Variants in TRIM9 observed in about 807,000 individuals in gnomAD.
TRIM9 encodes the protein tripartite motif containing 9.
Under a neutral mutation model 78.3 loss-of-function variants are expected in TRIM9, and 26 were observed. The ratio of observed to expected loss-of-function variants is 0.33; its 90% CI spans 0.24 to 0.46. TRIM9 has a LOEUF of 0.46. Ranked by LOEUF, TRIM9 falls within the 20% of genes least tolerant of loss-of-function variation. The probability of loss-of-function intolerance (pLI) is 1.00; values close to 1 mark genes in which losing one functional copy is unlikely to be tolerated. For missense variants in TRIM9, 787 were observed against 1,036.4 expected (o/e 0.76, Z 3.30); for synonymous variants, 398 against 416.5 (o/e 0.96, Z 0.54).
In TRIM9 at chr14:51,071,236, C is replaced by T. The variant is rs1023625994; in HGVS notation, c.822+22882G>A. On this transcript the variant is annotated intron_variant, in intron 1 of 12. Transcript: ENST00000684578. ...TACTAAAAATACAAAATTAGCCAGG[C>T]ATGGTGGCACATGCCTGTAATCCCA... is the stretch of plus-strand genomic sequence containing the variant. 3.3e-5 allele frequency among the ~76,000 whole-genome samples: 5 copies of T among 151,812 alleles called. No homozygotes were observed. The South Asian group carries it at 1.0e-3, about 32-fold the overall frequency.
chr14:51,016,474 AC>A (rs1596181300), intron 3 of TRIM9, among the ~76,000 whole-genome samples: 1 of 65,206 alleles, frequency 1.5e-5, no homozygotes, highest in Non-Finnish European at 3.1e-5. Flanking sequence ...CCCACCCCCT[AC>A]CCCCCTGCAG....
chr14:51,011,290 C>T (rs10137411), intron 3 of TRIM9, among the ~76,000 whole-genome samples: 4 of 152,088 alleles, frequency 2.6e-5, no homozygotes, highest in Admixed American at 6.5e-5. Flanking sequence ...ATTCCTTGAA[C>T]AGTTTTTTTC....
intron 7 of TRIM9, chr14:50,996,642 T>C (rs2054245067): frequency 1.0e-6 from 1 of 985,306 alleles, no homozygotes; most frequent in Non-Finnish European, 1.2e-6. Context: ...GCCTTCTGCG[T>C]TGCATCTAGG....
intron 8 of TRIM9, among the ~76,000 whole-genome samples, chr14:50,984,062 CT>C (rs908252112): frequency 7.9e-4 from 121 of 152,226 alleles, no homozygotes; most frequent in African/African-American, 2.7e-3. Flanking sequence ...CCCTGTGGAA[CT>C]TTTTCAACCA....
At chr14:51,071,683 G>A (rs1269156434) in intron 1 of TRIM9, among the ~76,000 whole-genome samples, 2 of 152,188 alleles carry the variant, frequency 1.3e-5, no homozygotes, top group Admixed American at 1.3e-4. Context: ...GTGTTTGCCT[G>A]TAGTCCCAGC....
rs2054002719 is a variant in TRIM9, at chr14:50,994,929, A to T, written c.1603+3121T>A. On this transcript the variant is annotated intron_variant, in intron 7 of 12. Transcript: ENST00000684578. ...TAGATGTGCAACTGGCGTTTTTTCC[A>T]TGGGTGTCTTTGATACATCTCCAGG... Among the ~76,000 whole-genome samples, 3 of 152,310 alleles carry T rather than the reference A, an allele frequency of 2.0e-5. No homozygotes were observed. In the South Asian group the frequency reaches 6.2e-4, roughly 32 times the overall value.
At chr14:50,998,003 G>A in intron 7 of TRIM9, 47 bp downstream of exon 7, 1 of 1,612,146 alleles carries the variant, frequency 6.2e-7, no homozygotes. Context: ...AGCCACTTTA[G>A]ATGCCACGCA....
intron 7 of TRIM9, among the ~76,000 whole-genome samples, chr14:50,995,889 T>C (rs911832438): frequency 1.1e-4 from 17 of 152,144 alleles, no homozygotes; most frequent in Non-Finnish European, 2.2e-4. Flanking sequence ...CACTGATTTC[T>C]AAAAAACAAA....
In TRIM9 at chr14:51,049,423, G is replaced by C. The variant is rs375683259; in HGVS notation, c.823-24063C>G. Among the ~76,000 whole-genome samples, 141 of 152,240 alleles carry C rather than the reference G, an allele frequency of 9.3e-4. 1 individual carries two copies. The highest frequency in any genetic ancestry group is 3.2e-3 in the African/African-American group (134 of 41,538). On this transcript the variant is annotated intron_variant, in intron 1 of 12. Coordinates refer to ENST00000684578, the MANE Select transcript of TRIM9 (RefSeq NM_001387360.1). ...ATCCTTTCAGGCACATCTACTACAG[G>C]GCTGCCACGATTGCTCAGCACAACT...
rs139401309 is a variant in TRIM9, at chr14:50,993,517, C to T, written c.1603+4533G>A. ...CCAAGTAGCTGGGATTACAGGCGCCCGCCACCACACCCAGCTAATTTTGTA... is the reference window on the plus strand; with the variant it reads ...CCAAGTAGCTGGGATTACAGGCGCCTGCCACCACACCCAGCTAATTTTGTA... On this transcript the variant is annotated intron_variant, in intron 7 of 12. Coordinates refer to ENST00000684578, the MANE Select transcript of TRIM9 (RefSeq NM_001387360.1). 1.6e-3 allele frequency among the ~76,000 whole-genome samples: 248 copies of T among 152,104 alleles called. 1 individual carries two copies. The highest frequency in any genetic ancestry group is 5.2e-3 in the African/African-American group (216 of 41,496).
intron 1 of TRIM9, among the ~76,000 whole-genome samples, chr14:51,044,854 A>G (rs1485921558): frequency 6.6e-6 from 1 of 152,170 alleles, no homozygotes; most frequent in Non-Finnish European, 1.5e-5. Context: ...TATCATCTCC[A>G]CTAAGTGAGA....
intron 11 of TRIM9, among the ~76,000 whole-genome samples, chr14:50,980,225 C>T (rs559729165): frequency 2.0e-5 from 3 of 152,114 alleles, no homozygotes; most frequent in Non-Finnish European, 4.4e-5. Flanking sequence ...CTTCTCTGTA[C>T]AGTGAAATAA....
At chr14:51,027,140 T>C (rs1267824596) in intron 1 of TRIM9, among the ~76,000 whole-genome samples, 11 of 46,454 alleles carry the variant, frequency 2.4e-4, no homozygotes, top group East Asian at 1.3e-3. Flanking sequence ...AACTTTTTTT[T>C]TTTTTTTTTT....
At chr14:51,033,542 C>G (rs77174108) in intron 1 of TRIM9, among the ~76,000 whole-genome samples, 1 of 152,356 alleles carries the variant, frequency 6.6e-6, no homozygotes, top group East Asian at 1.9e-4. Context: ...ACAATTTGCT[C>G]TGGTCCCATT....
Position 51,019,889 on chromosome 14 carries a change from C to T in TRIM9, c.1041+2946G>A, listed in dbSNP as rs147177158. Among the ~76,000 whole-genome samples, 845 of 152,330 alleles carry T rather than the reference C, an allele frequency of 5.5e-3. 4 individuals are homozygous for T. The highest frequency in any genetic ancestry group is 0.034 in the Middle Eastern group (10 of 294). On this transcript the variant is annotated intron_variant, in intron 3 of 12. Transcript: ENST00000684578. ...TGGGCTCTTTACCACTCAGTTCCAT[C>T]TTGCCTCAGAACCAGAACTATTAAA...
intron 1 of TRIM9, among the ~76,000 whole-genome samples, chr14:51,082,682 T>G (rs909799281): frequency 1.1e-4 from 17 of 152,198 alleles, no homozygotes; most frequent in African/African-American, 7.2e-5. Context: ...TTAGATTCTG[T>G]GCTGGTTGCA....
At chr14:50,997,796 T>A (rs2054418432) in intron 7 of TRIM9, 5 of 1,368,808 alleles carry the variant, frequency 3.7e-6, no homozygotes, top group Admixed American at 2.9e-5. Flanking sequence ...AACTGCAGCT[T>A]ATTTAGATTG....
At chr14:51,094,050 G>T in intron 1 of TRIM9, 68 bp downstream of exon 1, 3 of 1,483,812 alleles carry the variant, frequency 2.0e-6, no homozygotes, top group Non-Finnish European at 2.8e-6. Context: ...AAGAGACGGG[G>T]ACCGTCTGCT....
intron 3 of TRIM9, among the ~76,000 whole-genome samples, chr14:51,021,732 C>T (rs1471605186): frequency 6.6e-6 from 1 of 152,196 alleles, no homozygotes; most frequent in Non-Finnish European, 1.5e-5. Context: ...CTGCTGGACC[C>T]CTTCTGGTTT....
Sources: gnomAD v4.1 joint callset for allele counts (sites outside exome capture counted in the v4.1 genomes callset) on GRCh38, gnomAD v4.1.1 for gene constraint, MANE v1.5 for transcripts, NCBI Gene and HGNC (gene_info 2026-07-23, HGNC 2026-07-21) for gene names.